ZMYM1: variants seen among roughly 807,000 people sequenced by gnomAD.
ZMYM1 encodes the protein zinc finger MYM-type protein 1.
Under a neutral mutation model 60.0 loss-of-function variants are expected in ZMYM1, and 39 were observed. That is an observed-to-expected ratio of 0.65 (90% CI 0.50 to 0.85). The LOEUF is 0.85. Ranked by LOEUF, ZMYM1 falls within the 40% of genes least tolerant of loss-of-function variation. ZMYM1 has a pLI of 0.00. For synonymous variants in ZMYM1, 413 were observed against 454.0 expected, an observed-to-expected ratio of 0.91 and a Z score of 1.15; for missense variants, 1,171 against 1,309.5, an observed-to-expected ratio of 0.89 and a Z score of 1.63.
chr1:35,112,582 A>AT lies in ZMYM1; in HGVS notation c.1147-394dup, dbSNP rs371562047. 5.5e-5 allele frequency among the ~76,000 whole-genome samples: 8 copies of AT among 144,276 alleles called. No homozygotes were observed. The South Asian group carries it at 8.4e-4, about 15-fold the overall frequency. 94.7% of individuals were successfully genotyped at this position (144,276 alleles called of 152,430 possible). A position where few individuals can be genotyped will look rare whatever the true frequency, so the allele number is the denominator to read the frequency against. ...TTGTATATAATATAAATATATTATAATGTATATTTATTATATATTATATTT... is the reference window on the plus strand; with the variant it reads ...TTGTATATAATATAAATATATTATAATTGTATATTTATTATATATTATATTT... On this transcript the variant is annotated intron_variant, in intron 9 of 9. Transcript: ENST00000359858.
upstream of ZMYM1, among the ~76,000 whole-genome samples, chr1:35,075,523 G>C (rs983691747): frequency 6.6e-6 from 1 of 151,990 alleles, no homozygotes; most frequent in Non-Finnish European, 1.5e-5. Context: ...CCTCCAAGAG[G>C]ATATGCCATT....
chr1:35,084,501 G>C (rs1270215083), intron 1 of ZMYM1, among the ~76,000 whole-genome samples: 1 of 152,190 alleles, frequency 6.6e-6, no homozygotes, highest in African/African-American at 2.4e-5. Context: ...GTTGATTATA[G>C]GTCTTGTTAA....
chr1:35,091,887 CAAAAAAAAAAAAA>C (rs779081046), intron 1 of ZMYM1, among the ~76,000 whole-genome samples: 1 of 84,532 alleles, frequency 1.2e-5, no homozygotes, highest in Non-Finnish European at 2.1e-5. Context: ...GATCTTGTCT[CAAAAAAAAAAAAA>C]AAAAAAAAAG....
intron 1 of ZMYM1, among the ~76,000 whole-genome samples, chr1:35,082,039 C>G (rs1642414309): frequency 6.6e-6 from 1 of 152,124 alleles, no homozygotes; most frequent in South Asian, 2.1e-4. Context: ...CTTGGAGATT[C>G]TTTTGAATTT....
downstream of ZMYM1, among the ~76,000 whole-genome samples, chr1:35,117,122 C>T (rs759951675): frequency 6.1e-5 from 7 of 115,198 alleles, no homozygotes; most frequent in Admixed American, 9.7e-5. Context: ...TGAGCCACCG[C>T]GCCCGGCCTT....
At chr1:35,064,828 C>T (rs1641942209) in intron 1 of ZMYM1, among the ~76,000 whole-genome samples, 1 of 151,504 alleles carries the variant, frequency 6.6e-6, no homozygotes, top group African/African-American at 2.4e-5. Flanking sequence ...GCTGGGACTA[C>T]AGGCGCCCGC....
chr1:35,112,329 T>G (rs1007464642), intron 9 of ZMYM1, among the ~76,000 whole-genome samples, 199 bp downstream of exon 9: 1 of 151,384 alleles, frequency 6.6e-6, no homozygotes, highest in Non-Finnish European at 1.5e-5. Flanking sequence ...CAGCGCCTGC[T>G]ACCATGCCCA....
intron 1 of ZMYM1, among the ~76,000 whole-genome samples, chr1:35,066,316 G>A (rs979988049): frequency 3.9e-5 from 6 of 152,182 alleles, no homozygotes; most frequent in African/African-American, 1.4e-4. Flanking sequence ...TCCTGCCTCA[G>A]CCTCCCAAGT....
At chr1:35,087,887 C>G (rs1386168129) in intron 1 of ZMYM1, among the ~76,000 whole-genome samples, 1 of 151,822 alleles carries the variant, frequency 6.6e-6, no homozygotes, top group Non-Finnish European at 1.5e-5. Flanking sequence ...ATGGTGAAAC[C>G]CGATCTCTAC....
intron 4 of ZMYM1, among the ~76,000 whole-genome samples, chr1:35,102,747 T>G (rs956535622): frequency 2.6e-5 from 4 of 152,220 alleles, no homozygotes; most frequent in African/African-American, 9.6e-5. Context: ...CTAATTCATT[T>G]ATAACTCAAC....
At position 35,088,454 on chromosome 1, in the gene ZMYM1, A is replaced by ATATATATGTG. The variant is rs1464546786; in HGVS notation, c.-74-5459_-74-5458insATATATGTGT. ...TATGTGTATATATATATATATATAT[A>ATATATATGTG]TGTGTGTGTGTGTGTGTGTGTGTGT... is the stretch of plus-strand genomic sequence containing the variant. On this transcript the variant is annotated intron_variant, in intron 1 of 9. Transcript: ENST00000359858. Among the ~76,000 whole-genome samples the ATATATATGTG allele has an allele frequency of 1.3e-3, 141 of 107,234 alleles. 1 individual carries two copies. Among genetic ancestry groups the ATATATATGTG allele is most frequent in the African/African-American group, 4.2e-3 (99 of 23,482 alleles). 70.3% of individuals were successfully genotyped at this position (107,234 alleles called of 152,430 possible). A position where few individuals can be genotyped will look rare whatever the true frequency, so the allele number is the denominator to read the frequency against.
intron 1 of ZMYM1, among the ~76,000 whole-genome samples, chr1:35,088,454 A>ATATGTGTGTGTGTG (rs1464546786): frequency 7.5e-5 from 8 of 107,246 alleles, no homozygotes; most frequent in African/African-American, 3.0e-4. Flanking sequence ...ATATATATAT[A>ATATGTGTGTGTGTG]TGTGTGTGTG....
chr1:35,106,214 G>A (rs1419127271), intron 6 of ZMYM1, among the ~76,000 whole-genome samples: 1 of 152,186 alleles, frequency 6.6e-6, no homozygotes, highest in Non-Finnish European at 1.5e-5. Context: ...GCTTCTGAGA[G>A]CAGAGAAAGA....
intron 4 of ZMYM1, 168 bp from the exon 5 acceptor site, chr1:35,104,127 A>T: frequency 5.0e-6 from 3 of 598,774 alleles, no homozygotes; most frequent in Non-Finnish European, 8.5e-6. Flanking sequence ...TATAGATGAG[A>T]AAATTAAAAT....
Position 35,114,870 on chromosome 1 carries a change from C to A in ZMYM1, c.3040C>A (p.Gln1014Lys). 1.2e-6 allele frequency: 2 copies of A among 1,606,094 alleles called. No individual in the cohort carries two copies. Among genetic ancestry groups the A allele is most frequent in the South Asian group, 2.2e-5 (2 of 89,758 alleles). ...AAATGAAACAACAGCAAAACATGTTCAGGAATTTTATAAACTTGATGAGGA... is the reference window on the plus strand; with the variant it reads ...AAATGAAACAACAGCAAAACATGTTAAGGAATTTTATAAACTTGATGAGGA... The part of the protein sequence containing the change: ...PLNETTAKHV[Q>K]EFYKLDEDII... The change falls in exon 10 of 10, where the codon CAG becomes AAG. Residue 1014 changes from glutamine (Q) to lysine (K), a missense_variant. Gln to Lys is a moderately conservative substitution (Grantham distance 53). Coordinates refer to ENST00000359858, the MANE Select transcript of ZMYM1 (RefSeq NM_024772.5).
Position 35,095,833 on chromosome 1 carries a change from G to C in ZMYM1, c.111G>C (p.Arg37Ser), listed in dbSNP as rs201392916. The change falls in exon 3 of 10, where the codon AGG (arginine) becomes AGC (serine). Residue 37 changes from arginine (R) to serine (S), a missense_variant. By Grantham distance (110) the Arg-to-Ser change is moderately radical. Transcript: ENST00000359858. ...TTTCTTTTTAGGAGTATTGTCATAG[G>C]CAACAGTCCAGAACTCAGGAGAATG... The part of the protein sequence containing the change: ...EPDNAQEYCH[R>S]QQSRTQENEL... 4 of 1,600,898 alleles carry C rather than the reference G, an allele frequency of 2.5e-6. No homozygotes were observed. Among genetic ancestry groups the C allele is most frequent in the Non-Finnish European group, 3.4e-6 (4 of 1,174,100 alleles).
Position 35,114,835 on chromosome 1 carries a change from A to C in ZMYM1, c.3005A>C (p.Asn1002Thr), listed in dbSNP as rs1239764264. 3 of 1,606,540 alleles carry C rather than the reference A, an allele frequency of 1.9e-6. No homozygotes were observed. Among genetic ancestry groups the C allele is most frequent in the Non-Finnish European group, 2.5e-6 (3 of 1,176,702 alleles). Residue 1002 changes from asparagine to threonine, a missense_variant, in exon 10 of 10, where the codon AAT (asparagine) becomes ACT (threonine). By Grantham distance (65) the Asn-to-Thr change is moderately conservative. Coordinates refer to ENST00000359858, the MANE Select transcript of ZMYM1 (RefSeq NM_024772.5). ...ATTTCAGAACTGTTATTTAAATGGA[A>C]TGAACCATTAAATGAAACAACAGCA... is the stretch of plus-strand genomic sequence containing the variant. The part of the protein sequence containing the change: ...KQISELLFKW[N>T]EPLNETTAKH...
At position 35,112,991 on chromosome 1, in the gene ZMYM1, A is replaced by G; in HGVS notation, c.1161A>G (p.Ser387=). 6 of 1,552,618 alleles carry G rather than the reference A, an allele frequency of 3.9e-6. No individual in the cohort carries two copies. The highest frequency in any genetic ancestry group is 5.2e-6 in the Non-Finnish European group (6 of 1,153,566). ...TTCTCCCAAAGCTTTCTAAGAGTTCACCTAGTGAACCCAGTAATGCTGTTG... is the reference window on the plus strand; with the variant it reads ...TTCTCCCAAAGCTTTCTAAGAGTTCGCCTAGTGAACCCAGTAATGCTGTTG... The part of the protein sequence containing the change: ...ADVIVDLSKS[S]PSEPSNAVAS... Residue 387 remains serine (S), a synonymous_variant, in exon 10 of 10, where the codon TCA becomes TCG. Coordinates refer to ENST00000359858, the MANE Select transcript of ZMYM1 (RefSeq NM_024772.5).
chr1:35,062,780 G>T (rs1351381065), intron 1 of ZMYM1, among the ~76,000 whole-genome samples: 1 of 152,196 alleles, frequency 6.6e-6, no homozygotes, highest in Non-Finnish European at 1.5e-5. Flanking sequence ...AAGATAAAAG[G>T]TTTAGACAAT....
Sources: allele counts gnomAD v4.1 joint callset (sites outside exome capture counted in the v4.1 genomes callset), GRCh38; gene constraint gnomAD v4.1.1; transcripts MANE v1.5; gene names NCBI Gene and HGNC (gene_info 2026-07-23, HGNC 2026-07-21).